Variants in MYO18B observed in about 807,000 individuals in gnomAD.
MYO18B encodes the protein unconventional myosin-XVIIIb.
MYO18B carries 204 observed loss-of-function variants against 273.0 expected under a neutral mutation model. That is an observed-to-expected ratio of 0.75 (90% CI 0.67 to 0.84). MYO18B has a LOEUF of 0.84. Ranked by LOEUF, MYO18B falls within the 40% of genes least tolerant of loss-of-function variation. The pLI is 0.00. For missense variants in MYO18B, 3,212 were observed against 3,287.6 expected (o/e 0.98, Z 0.56); for synonymous variants, 1,330 against 1,305.7 (o/e 1.02, Z -0.40).
intron 15 of MYO18B, among the ~76,000 whole-genome samples, chr22:25,832,399 A>C (rs563931182): frequency 3.3e-5 from 5 of 152,296 alleles, no homozygotes; most frequent in African/African-American, 1.2e-4. Flanking sequence ...TGAGATACGC[A>C]TATTACGAGA....
At chr22:25,808,175 C>G (rs886949862) in intron 12 of MYO18B, among the ~76,000 whole-genome samples, 4 of 152,100 alleles carry the variant, frequency 2.6e-5, no homozygotes, top group African/African-American at 9.7e-5. Context: ...GTCCTCTTTG[C>G]AGCAAGATAC....
chr22:25,868,446 G>A, intron 22 of MYO18B, 61 bp downstream of exon 22: 5 of 1,378,210 alleles, frequency 3.6e-6, no homozygotes, highest in Non-Finnish European at 5.0e-6. Flanking sequence ...GAGATGACCT[G>A]ATTCTTGTCC....
chr22:25,841,449 A>G (rs9917582), intron 17 of MYO18B, among the ~76,000 whole-genome samples: 1,529 of 151,922 alleles, frequency 0.01, 25 homozygotes, highest in Middle Eastern at 0.031. Flanking sequence ...TTTCCAGGAC[A>G]TTGCCTGAGA....
chr22:25,758,910 A>G (rs1271415638), intron 1 of MYO18B, among the ~76,000 whole-genome samples: 1 of 152,086 alleles, frequency 6.6e-6, no homozygotes, highest in Non-Finnish European at 1.5e-5. Context: ...ACCCGCCACC[A>G]TGCCCGGCTA....
chr22:25,810,098 CT>C (rs566532119), intron 12 of MYO18B, among the ~76,000 whole-genome samples: 5,860 of 132,314 alleles, frequency 0.044, 194 homozygotes, highest in East Asian at 0.11. Flanking sequence ...TTCCTTCAGG[CT>C]TTTTTTTTTT....
At chr22:25,911,616 C>T (rs1370258316) in intron 33 of MYO18B, among the ~76,000 whole-genome samples, 2 of 152,220 alleles carry the variant, frequency 1.3e-5, no homozygotes, top group South Asian at 2.1e-4. Context: ...GGAGCTGGAT[C>T]ATTCCTTGTG....
Position 25,902,695 on chromosome 22 carries a change from A to C in MYO18B, c.4906A>C (p.Ser1636Arg), listed in dbSNP as rs765382944. 6.9e-6 allele frequency: 11 copies of C among 1,593,602 alleles called. No individual in the cohort carries two copies. In the Middle Eastern group the frequency reaches 6.6e-4, roughly 96 times the overall value. ...LREKVTQENT[S>R]VRWELGQLQQ... is the part of the protein sequence containing the mutation. ...TGAGAAAGTGACCCAGGAGAACACC[A>C]GTGTCCGGTGGGAGCTAGGCCAGCT... Residue 1636 changes from serine to arginine, a missense_variant, in exon 30 of 44, where the codon AGT (serine) becomes CGT (arginine). By Grantham distance (110) the Ser-to-Arg change is moderately radical. Coordinates refer to ENST00000335473, the MANE Select transcript of MYO18B (RefSeq NM_032608.7).
chr22:25,899,072 C>T (rs906468976), intron 29 of MYO18B: 3 of 152,520 alleles, frequency 2.0e-5, no homozygotes, highest in African/African-American at 7.2e-5. Flanking sequence ...ATCACGTGAG[C>T]CATTCTGGCA....
At chr22:25,890,941 C>G in intron 26 of MYO18B, 66 bp downstream of exon 26, 1 of 1,562,642 alleles carries the variant, frequency 6.4e-7, no homozygotes, top group South Asian at 1.2e-5. Flanking sequence ...GTCTGCTCCC[C>G]GACCCTCTCA....
At chr22:26,029,966 C>T (rs565846890) in intron 43 of MYO18B, among the ~76,000 whole-genome samples, 1 of 152,132 alleles carries the variant, frequency 6.6e-6, no homozygotes, top group Non-Finnish European at 1.5e-5. Context: ...ACTTTTTCTC[C>T]TTCTGCCACC....
At chr22:25,759,571 TGATGGG>T in intron 1 of MYO18B, among the ~76,000 whole-genome samples, 1 of 152,290 alleles carries the variant, frequency 6.6e-6, no homozygotes, top group South Asian at 2.1e-4. Flanking sequence ...CTAATGTAGA[TGATGGG>T]TTGATGGGTG....
At chr22:25,967,406 A>G (rs994985017) in intron 39 of MYO18B, among the ~76,000 whole-genome samples, 1 of 152,226 alleles carries the variant, frequency 6.6e-6, no homozygotes, top group African/African-American at 2.4e-5. Flanking sequence ...AGTGGTCCCA[A>G]GGAAATCCAG....
chr22:26,054,685 A>T, the MYO18B span, among the ~76,000 whole-genome samples: 1 of 152,132 alleles, frequency 6.6e-6, no homozygotes, highest in Non-Finnish European at 1.5e-5. Flanking sequence ...CTGGAGAGGA[A>T]CTGAGCCTTG....
intron 12 of MYO18B, among the ~76,000 whole-genome samples, chr22:25,813,131 C>T (rs776295329): frequency 4.7e-5 from 7 of 150,480 alleles, no homozygotes; most frequent in Non-Finnish European, 1.0e-4. Flanking sequence ...TCCCTTCCCT[C>T]TCCCTCCTCC....
intron 10 of MYO18B, among the ~76,000 whole-genome samples, chr22:25,784,864 C>T (rs778412467): frequency 1.3e-5 from 2 of 152,194 alleles, no homozygotes; most frequent in Non-Finnish European, 2.9e-5. Context: ...TCATAAAGTG[C>T]AGACTGAGGC....
At chr22:25,813,045 T>C (rs903179007) in intron 12 of MYO18B, among the ~76,000 whole-genome samples, 4 of 150,608 alleles carry the variant, frequency 2.7e-5, no homozygotes, top group African/African-American at 9.8e-5. Flanking sequence ...CTCATCTCCT[T>C]CTCTCTTTTC....
At chr22:25,896,512 C>T (rs992088945) in intron 28 of MYO18B, 1 of 152,184 alleles carries the variant, frequency 6.6e-6, no homozygotes, top group Non-Finnish European at 1.5e-5. Flanking sequence ...TAGTATGTAC[C>T]ATTACTGTTA....
In MYO18B at chr22:25,845,959, C is replaced by G. The variant is rs2090228599; in HGVS notation, c.3369-141C>G. 5.7e-6 allele frequency: 4 copies of G among 704,214 alleles called. No individual in the cohort carries two copies. The South Asian group carries it at 7.2e-5, about 13-fold the overall frequency. The allele number at this position is 704,214 out of a possible 1,614,324, so 43.6% of individuals were successfully genotyped here. A position where few individuals can be genotyped will look rare whatever the true frequency, so the allele number is the denominator to read the frequency against. On this transcript the variant is annotated intron_variant, in intron 18 of 43. Transcript: ENST00000335473. ...AGGGGCTGTGAATGAAGGGGAGCAG[C>G]TGGGACACATGACTGTAGAGGAGGC...
intron 43 of MYO18B, among the ~76,000 whole-genome samples, chr22:26,028,041 TGAGACCAGACTGGCCAACAGGGTGAAACC>T (rs1214267057): frequency 2.9e-4 from 44 of 151,970 alleles, no homozygotes; most frequent in Non-Finnish European, 5.9e-4. Flanking sequence ...GTCAGGAGTT[TGAGACCAGACTGGCCAACAGGGTGAAACC>T]TCGTCTCTAC....
Sources: gnomAD v4.1 joint callset for allele counts (sites outside exome capture counted in the v4.1 genomes callset) on GRCh38, gnomAD v4.1.1 for gene constraint, MANE v1.5 for transcripts, NCBI Gene and HGNC (gene_info 2026-07-23, HGNC 2026-07-21) for gene names.